PKD1L3: variants seen among roughly 807,000 people sequenced by gnomAD.
PKD1L3 encodes polycystin 1 like 3, transient receptor potential channel interacting, also known as polycystin-1-like protein 3.
A neutral mutation model predicts 184.1 loss-of-function variants in PKD1L3; 239 were observed. That is an observed-to-expected ratio of 1.30 (90% CI 1.17 to 1.45). The LOEUF is 1.45. Ranked by LOEUF, PKD1L3 falls within the 40% of genes most tolerant of loss-of-function variation. The pLI is 0.00. For synonymous variants in PKD1L3, 996 were observed against 778.8 expected, an observed-to-expected ratio of 1.28 and a Z score of -4.64; for missense variants, 2,660 against 2,067.2, an observed-to-expected ratio of 1.29 and a Z score of -5.56.
At position 71,973,238 on chromosome 16, in the gene PKD1L3, G is replaced by C. The variant is rs977204510; in HGVS notation, c.1953+86C>G. The C allele has an allele frequency of 1.6e-5, 23 of 1,402,336 alleles. No homozygotes were observed. The Admixed American group carries it at 4.5e-4, about 28-fold the overall frequency. 86.9% of individuals were successfully genotyped at this position (1,402,336 alleles called of 1,614,324 possible). On this transcript the variant is annotated intron_variant, in intron 12 of 29. Transcript: ENST00000620267. Reference sequence around the variant, plus strand: ...AACCACCTGATTATTTTTCTTTCTGGGCTGCCCCAAATGAGATAACGGATG... The same window carrying C: ...AACCACCTGATTATTTTTCTTTCTGCGCTGCCCCAAATGAGATAACGGATG...
At chr16:71,951,806 A>G (rs1476163174) in intron 18 of PKD1L3, 62 bp from the exon 19 acceptor site, 18 of 1,441,786 alleles carry the variant, frequency 1.2e-5, no homozygotes, top group Middle Eastern at 1.8e-4. Context: ...ATTTGTACCA[A>G]TTACAGGTGG....
intron 5 of PKD1L3, among the ~76,000 whole-genome samples, chr16:71,985,846 G>A (rs529785574): frequency 1.8e-4 from 28 of 152,166 alleles, no homozygotes; most frequent in Admixed American, 9.2e-4. Flanking sequence ...GATTATAGGC[G>A]TGACTCAGTG....
At chr16:71,995,560 T>TA (rs1272090143) in intron 2 of PKD1L3, among the ~76,000 whole-genome samples, 2 of 152,276 alleles carry the variant, frequency 1.3e-5, no homozygotes, top group Non-Finnish European at 1.5e-5. Flanking sequence ...TATTTTCCAC[T>TA]AAAAAAATAC....
intron 28 of PKD1L3, 78 bp downstream of exon 28, chr16:71,933,342 G>T: frequency 9.8e-7 from 1 of 1,021,278 alleles, no homozygotes; most frequent in Admixed American, 2.0e-5. Context: ...ACAGTAGGGG[G>T]CTGTTTTCAT....
intron 26 of PKD1L3, among the ~76,000 whole-genome samples, chr16:71,934,903 C>T (rs559277304): frequency 2.3e-4 from 35 of 152,188 alleles, no homozygotes; most frequent in Non-Finnish European, 4.7e-4. Context: ...ATGGGAAAAA[C>T]CAGAGAAGGT....
chr16:71,977,304 T>G lies in PKD1L3; in HGVS notation c.1691A>C (p.Gln564Pro), dbSNP rs201610921. The change falls in exon 11 of 30, where the codon CAG (glutamine) becomes CCG (proline). Residue 564 changes from glutamine (Q) to proline (P), a missense_variant. Physicochemically the swap from Gln to Pro is moderately conservative, Grantham distance 76. Transcript: ENST00000620267. ...GAAGTGAGTGCAGTTAGGCTGATACTGGAACCCCAGGTAGAGTGTCATTAA... is the reference window on the plus strand; with the variant it reads ...GAAGTGAGTGCAGTTAGGCTGATACGGGAACCCCAGGTAGAGTGTCATTAA... ...PLLMTLYLGFQYQPNCTHFHL... is the reference protein window; with the variant it reads ...PLLMTLYLGFPYQPNCTHFHL... 29 of 1,544,400 alleles carry G rather than the reference T, an allele frequency of 1.9e-5. No homozygotes were observed. Among genetic ancestry groups the G allele is most frequent in the Non-Finnish European group, 1.8e-6 (2 of 1,140,498 alleles).
intron 16 of PKD1L3, among the ~76,000 whole-genome samples, chr16:71,960,755 T>C (rs1007836247): frequency 1.3e-5 from 2 of 152,180 alleles, no homozygotes; most frequent in Admixed American, 1.3e-4. Flanking sequence ...TATGTCTATA[T>C]ATGTTTTAAA....
intron 10 of PKD1L3, 96 bp from the exon 11 acceptor site, chr16:71,977,563 T>TC (rs1567536706): frequency 0.14 from 43,680 of 309,838 alleles, 589 homozygotes; most frequent in East Asian, 0.18. Context: ...CCTAGCTCTT[T>TC]TTTTTTTTTT....
At chr16:71,953,854 C>T (rs1362999147) in intron 17 of PKD1L3, among the ~76,000 whole-genome samples, 1 of 152,164 alleles carries the variant, frequency 6.6e-6, no homozygotes, top group African/African-American at 2.4e-5. Flanking sequence ...CAGAGCCAAA[C>T]CATATCACAC....
Position 71,997,039 on chromosome 16 carries a change from T to G in PKD1L3, c.418+1233A>C, listed in dbSNP as rs144084707. Among the ~76,000 whole-genome samples, 940 of 150,484 alleles carry G rather than the reference T, an allele frequency of 6.2e-3. 7 individuals are homozygous for G. The highest frequency in any genetic ancestry group is 0.022 in the African/African-American group (910 of 40,886). On this transcript the variant is annotated intron_variant, in intron 2 of 29. Coordinates refer to ENST00000620267, the MANE Select transcript of PKD1L3 (RefSeq NM_181536.2). ...GAGACTGAGGGAGGCTCCCAGTTGT[T>G]GGAGGTTAAGTAGAGAGAGGAAAGT...
chr16:71,933,569 TTC>T, intron 27 of PKD1L3, 48 bp from the exon 28 acceptor site: 1 of 1,364,234 alleles, frequency 7.3e-7, no homozygotes. Context: ...GCGCACATCT[TTC>T]TATCCTGAGG....
intron 25 of PKD1L3, among the ~76,000 whole-genome samples, chr16:71,935,977 G>A (rs1276439832): frequency 6.6e-6 from 1 of 151,664 alleles, no homozygotes; most frequent in Admixed American, 6.6e-5. Context: ...TGTATTTTTT[G>A]TAGAGACAGG....
intron 16 of PKD1L3, among the ~76,000 whole-genome samples, chr16:71,962,422 C>G (rs769641809): frequency 1.3e-5 from 2 of 152,162 alleles, no homozygotes; most frequent in Admixed American, 1.3e-4. Flanking sequence ...GAAGTTGATA[C>G]GTATATTATA....
At position 71,953,147 on chromosome 16, in the gene PKD1L3, A is replaced by T. The variant is rs1044582619; in HGVS notation, c.2810-54T>A. On this transcript the variant is annotated intron_variant, in intron 17 of 29. Transcript: ENST00000620267. ...ATCTTCAACAATTAAAATAATCGCA[A>T]AGTCATTCCTCTCCTAGGTTTAACT... is the stretch of plus-strand genomic sequence containing the variant. The T allele has an allele frequency of 1.4e-5, 11 of 776,464 alleles. No individual in the cohort carries two copies. In the Admixed American group the frequency reaches 1.5e-4, roughly 10 times the overall value. 48.1% of individuals were successfully genotyped at this position (776,464 alleles called of 1,614,324 possible).
intron 15 of PKD1L3, among the ~76,000 whole-genome samples, chr16:71,965,004 G>A (rs894639059): frequency 2.0e-5 from 3 of 151,746 alleles, no homozygotes; most frequent in Non-Finnish European, 2.9e-5. Flanking sequence ...GAGCCATCAC[G>A]CCCAGCTAAT....
intron 15 of PKD1L3, 73 bp downstream of exon 15, chr16:71,967,064 T>C: frequency 7.0e-7 from 1 of 1,435,538 alleles, no homozygotes; most frequent in Non-Finnish European, 9.4e-7. Context: ...CTGTGATTTA[T>C]TGTGGTGATC....
chr16:71,941,038 A>C (rs1234073154), intron 24 of PKD1L3, among the ~76,000 whole-genome samples: 2 of 151,690 alleles, frequency 1.3e-5, no homozygotes, highest in African/African-American at 4.8e-5. Flanking sequence ...GTTTCACACC[A>C]TGTTGCCCAG....
intron 22 of PKD1L3, among the ~76,000 whole-genome samples, chr16:71,945,468 G>A (rs888089023): frequency 6.7e-6 from 1 of 149,536 alleles, no homozygotes; most frequent in African/African-American, 2.5e-5. Flanking sequence ...CACCTGAGCT[G>A]AGGAGTTCAA....
In PKD1L3 at chr16:71,980,032, C is replaced by G. The variant is rs1285424002; in HGVS notation, c.1246G>C (p.Ala416Pro). The G allele has an allele frequency of 2.6e-6, 4 of 1,552,088 alleles. No individual in the cohort carries two copies. The highest frequency in any genetic ancestry group is 3.5e-6 in the Non-Finnish European group (4 of 1,147,096). ...CTGCTCAGCAGCAGAGTAGCATTGG[C>G]AGAGGTCAAAGTCACTGAAGACTCG... ...SPESSVTLTSANATLLLSRQN... is the reference protein window; with the variant it reads ...SPESSVTLTSPNATLLLSRQN... Residue 416 changes from alanine (A) to proline (P), a missense_variant, in exon 8 of 30, where the codon GCC (alanine) becomes CCC (proline). Coordinates refer to ENST00000620267, the MANE Select transcript of PKD1L3 (RefSeq NM_181536.2).
Sources: allele counts gnomAD v4.1 joint callset (sites outside exome capture counted in the v4.1 genomes callset), GRCh38; gene constraint gnomAD v4.1.1; transcripts MANE v1.5; gene names NCBI Gene and HGNC (gene_info 2026-07-23, HGNC 2026-07-21).